MACROD2: variants seen among roughly 807,000 people sequenced by gnomAD.
MACROD2 encodes the protein ADP-ribose glycohydrolase MACROD2.
A neutral mutation model predicts 70.4 loss-of-function variants in MACROD2; 36 were observed. The ratio of observed to expected loss-of-function variants is 0.51; its 90% CI spans 0.39 to 0.68. The LOEUF is 0.68. Among genes scored for constraint, MACROD2 ranks in the 30% least tolerant of loss-of-function variants. The pLI is 0.00. For missense variants in MACROD2, 496 were observed against 538.4 expected, an observed-to-expected ratio of 0.92 and a Z score of 0.78; for synonymous variants, 172 against 178.8, an observed-to-expected ratio of 0.96 and a Z score of 0.30.
intron 3 of MACROD2, among the ~76,000 whole-genome samples, chr20:14,216,846 G>A (rs1244438952): frequency 6.6e-6 from 1 of 151,970 alleles, no homozygotes; most frequent in Non-Finnish European, 1.5e-5. Flanking sequence ...ACTGATTTGT[G>A]TACATTAATC....
intron 10 of MACROD2, among the ~76,000 whole-genome samples, chr20:15,907,022 C>T (rs1277925504): frequency 6.6e-6 from 1 of 152,202 alleles, no homozygotes; most frequent in Non-Finnish European, 1.5e-5. Context: ...GTAAATGGCC[C>T]ATTCCTCATT....
chr20:14,304,426 C>G (rs1198332860), intron 3 of MACROD2, among the ~76,000 whole-genome samples: 1 of 152,158 alleles, frequency 6.6e-6, no homozygotes, highest in African/African-American at 2.4e-5. Context: ...AAAAAGAAGT[C>G]TAAGATTGCC....
At chr20:15,031,722 T>C (rs958146358) in intron 5 of MACROD2, among the ~76,000 whole-genome samples, 1 of 152,104 alleles carries the variant, frequency 6.6e-6, no homozygotes, top group Non-Finnish European at 1.5e-5. Context: ...AGGGAGGAAG[T>C]GCATGCTGAT....
chr20:15,909,050 A>C (rs1350760985), intron 10 of MACROD2, among the ~76,000 whole-genome samples: 2 of 152,174 alleles, frequency 1.3e-5, no homozygotes. Flanking sequence ...TCTCTGCTCT[A>C]CTCAGCATTG....
chr20:16,035,091 A>T (rs1179547047), intron 15 of MACROD2, among the ~76,000 whole-genome samples: 3 of 37,038 alleles, frequency 8.1e-5, no homozygotes, highest in South Asian at 2.0e-3. Context: ...ATGTAATATA[A>T]AATATTATAT....
chr20:15,509,235 G>C (rs1414683386), intron 8 of MACROD2, among the ~76,000 whole-genome samples: 1 of 152,078 alleles, frequency 6.6e-6, no homozygotes, highest in African/African-American at 2.4e-5. Context: ...CCTTCATACT[G>C]GAGGACCATC....
intron 7 of MACROD2, among the ~76,000 whole-genome samples, chr20:15,433,282 A>G (rs2046386282): frequency 6.6e-6 from 1 of 151,866 alleles, no homozygotes; most frequent in Non-Finnish European, 1.5e-5. Flanking sequence ...TCTCTATAAT[A>G]TGATCATTTA....
chr20:14,308,183 A>G (rs1247564464), intron 3 of MACROD2, among the ~76,000 whole-genome samples: 1 of 152,172 alleles, frequency 6.6e-6, no homozygotes, highest in Admixed American at 6.5e-5. Context: ...GGATTGGAAC[A>G]TAATGATGGC....
chr20:15,443,073 G>T (rs1448556611), intron 7 of MACROD2, among the ~76,000 whole-genome samples: 1 of 152,116 alleles, frequency 6.6e-6, no homozygotes, highest in Non-Finnish European at 1.5e-5. Context: ...CATTGAGAAT[G>T]AATACATAAT....
At chr20:14,107,837 G>C (rs985820761) in intron 3 of MACROD2, among the ~76,000 whole-genome samples, 3 of 151,978 alleles carry the variant, frequency 2.0e-5, no homozygotes, top group African/African-American at 7.2e-5. Flanking sequence ...CAGAGAAAGA[G>C]GGATTTTATC....
intron 15 of MACROD2, among the ~76,000 whole-genome samples, chr20:16,018,818 C>G (rs945887355): frequency 2.0e-5 from 3 of 152,150 alleles, no homozygotes; most frequent in African/African-American, 7.2e-5. Context: ...TTGTTGCCCC[C>G]CTTCAAGCCA....
At chr20:16,043,818 C>T (rs775866355) in intron 16 of MACROD2, among the ~76,000 whole-genome samples, 102 of 152,256 alleles carry the variant, frequency 6.7e-4, no homozygotes, top group Non-Finnish European at 9.9e-4. Context: ...GCTTACCTCT[C>T]TGCATGTCAG....
At chr20:15,215,621 A>T (rs1359209396) in intron 5 of MACROD2, among the ~76,000 whole-genome samples, 5 of 152,056 alleles carry the variant, frequency 3.3e-5, no homozygotes, top group Non-Finnish European at 7.4e-5. Context: ...GTGAAGGCAT[A>T]TGTTAAGTGA....
chr20:15,207,301 C>T (rs2076717689), intron 5 of MACROD2, among the ~76,000 whole-genome samples: 1 of 152,060 alleles, frequency 6.6e-6, no homozygotes, highest in East Asian at 1.9e-4. Context: ...CTTCATTTCC[C>T]CCTTCATTCC....
chr20:14,491,214 G>A (rs933232263), intron 3 of MACROD2, among the ~76,000 whole-genome samples: 7 of 152,002 alleles, frequency 4.6e-5, no homozygotes, highest in Admixed American at 1.3e-4. Context: ...CTTTACTTGC[G>A]TATTTTTATG....
intron 6 of MACROD2, among the ~76,000 whole-genome samples, chr20:15,387,388 T>C (rs1417824571): frequency 2.7e-5 from 4 of 150,132 alleles, no homozygotes; most frequent in Non-Finnish European, 5.9e-5. Flanking sequence ...TCTTCCTACC[T>C]CTCTGCAGTC....
chr20:14,500,409 C>T (rs959023590), intron 4 of MACROD2, among the ~76,000 whole-genome samples: 2 of 152,236 alleles, frequency 1.3e-5, no homozygotes, highest in Non-Finnish European at 2.9e-5. Context: ...GGGACCATCT[C>T]TACAGCTGCT....
chr20:14,284,695 C>A (rs890631780), intron 3 of MACROD2, among the ~76,000 whole-genome samples: 7 of 152,164 alleles, frequency 4.6e-5, no homozygotes, highest in African/African-American at 1.2e-4. Flanking sequence ...TTGCATAATA[C>A]TTTCTAAAGG....
At chr20:14,944,189 A>G (rs2074411896) in intron 5 of MACROD2, among the ~76,000 whole-genome samples, 1 of 152,150 alleles carries the variant, frequency 6.6e-6, no homozygotes, top group Non-Finnish European at 1.5e-5. Context: ...AGAATGAGAA[A>G]GTGGAAGAGG....
Sources: allele counts gnomAD v4.1 joint callset (sites outside exome capture counted in the v4.1 genomes callset), GRCh38; gene constraint gnomAD v4.1.1; transcripts MANE v1.5; gene names NCBI Gene and HGNC (gene_info 2026-07-23, HGNC 2026-07-21).